The following PPP2R2B variants were observed in gnomAD, a reference collection of about 807,000 sequenced individuals.
The protein encoded by PPP2R2B is protein phosphatase 2 regulatory subunit Bbeta.
Under a neutral mutation model 46.0 loss-of-function variants are expected in PPP2R2B, and 5 were observed. That is an observed-to-expected ratio of 0.11 (90% CI 0.06 to 0.23). PPP2R2B has a LOEUF of 0.23. PPP2R2B is among the 10% of genes least tolerant of loss of function. The pLI is 1.00. For missense variants in PPP2R2B, 367 were observed against 575.0 expected, an observed-to-expected ratio of 0.64 and a Z score of 3.70; for synonymous variants, 215 against 206.7, an observed-to-expected ratio of 1.04 and a Z score of -0.34.
At chr5:146,609,060 A>G (rs1352454556) in intron 7 of PPP2R2B, among the ~76,000 whole-genome samples, 2 of 152,228 alleles carry the variant, frequency 1.3e-5, no homozygotes, top group Non-Finnish European at 2.9e-5. Context: ...ACAATACATT[A>G]AAAAGATCAT....
chr5:146,939,688 C>T (rs1320186360), intron 1 of PPP2R2B, among the ~76,000 whole-genome samples: 2 of 152,128 alleles, frequency 1.3e-5, no homozygotes, highest in Non-Finnish European at 2.9e-5. Flanking sequence ...AGTATTCCTG[C>T]TTGAATAGGA....
chr5:147,011,440 A>C (rs1418713167), intron 1 of PPP2R2B, among the ~76,000 whole-genome samples: 1 of 152,168 alleles, frequency 6.6e-6, no homozygotes, highest in African/African-American at 2.4e-5. Context: ...AACTAACTAT[A>C]TAACTTGCTG....
upstream of PPP2R2B, among the ~76,000 whole-genome samples, chr5:146,879,807 T>C (rs1762104798): frequency 6.6e-6 from 1 of 152,158 alleles, no homozygotes; most frequent in Non-Finnish European, 1.5e-5. Context: ...CCCCAATCAG[T>C]AGAAAGCCAA....
chr5:146,957,451 G>A (rs897868135), intron 1 of PPP2R2B, among the ~76,000 whole-genome samples: 9 of 152,178 alleles, frequency 5.9e-5, no homozygotes, highest in Non-Finnish European at 1.3e-4. Context: ...GGGCACAGTA[G>A]GAATTTTACT....
intron 5 of PPP2R2B, among the ~76,000 whole-genome samples, chr5:146,676,418 C>T (rs956557974): frequency 1.3e-5 from 2 of 152,156 alleles, no homozygotes; most frequent in African/African-American, 4.8e-5. Flanking sequence ...CAGCTTCAGC[C>T]ACCTGGGCCC....
In PPP2R2B at chr5:146,690,587, T is replaced by C. The variant is rs537041520; in HGVS notation, c.447+541A>G. Among the ~76,000 whole-genome samples, 5 of 152,328 alleles carry C rather than the reference T, an allele frequency of 3.3e-5. No homozygotes were observed. The South Asian group carries it at 8.3e-4, about 25-fold the overall frequency. On this transcript the variant is annotated intron_variant, in intron 5 of 9. Coordinates refer to ENST00000394411, the MANE Select transcript of PPP2R2B (RefSeq NM_181675.4). Reference sequence around the variant, plus strand: ...CCAGCCATAGAGGAAGGGTTTTCCATCCTTGCACTTCTTCCTCATAAGTCC... The same window carrying C: ...CCAGCCATAGAGGAAGGGTTTTCCACCCTTGCACTTCTTCCTCATAAGTCC...
chr5:147,068,478 T>C (rs982864161), intron 2 of PPP2R2B, among the ~76,000 whole-genome samples: 17 of 152,276 alleles, frequency 1.1e-4, no homozygotes, highest in African/African-American at 3.8e-4. Flanking sequence ...TGAAAAAAAA[T>C]GTAAGTTTTT....
At chr5:146,995,850 T>C (rs1236938142) in intron 1 of PPP2R2B, among the ~76,000 whole-genome samples, 3 of 152,120 alleles carry the variant, frequency 2.0e-5, no homozygotes, top group African/African-American at 7.2e-5. Context: ...TTCTTAGAGG[T>C]AGCAGGAATA....
rs564415440 is a variant in PPP2R2B, at chr5:146,930,633, G to A, written c.79+125032C>T. Among the ~76,000 whole-genome samples, 180 of 152,134 alleles carry A rather than the reference G, an allele frequency of 1.2e-3. 1 individual carries two copies. The highest frequency in any genetic ancestry group is 2.2e-3 in the Non-Finnish European group (149 of 68,006). ...CTCCACCATTCACAAAAAGGGCAGTGGGGTTAGGTGGACATGAAGTGTCAA... is the reference window on the plus strand; with the variant it reads ...CTCCACCATTCACAAAAAGGGCAGTAGGGTTAGGTGGACATGAAGTGTCAA... On this transcript the variant is annotated intron_variant, in intron 1 of 8. Transcript: ENST00000336640.
chr5:147,074,588 A>G (rs1375014705), intron 2 of PPP2R2B, among the ~76,000 whole-genome samples: 1 of 152,088 alleles, frequency 6.6e-6, no homozygotes, highest in Non-Finnish European at 1.5e-5. Context: ...GTTGGTTTTT[A>G]TTTATTTATT....
At chr5:146,786,934 A>G (rs895237881) in intron 2 of PPP2R2B, among the ~76,000 whole-genome samples, 5 of 152,240 alleles carry the variant, frequency 3.3e-5, no homozygotes, top group Admixed American at 6.5e-5. Context: ...TGCTTATAAT[A>G]ATTCCAGTCA....
intron 5 of PPP2R2B, among the ~76,000 whole-genome samples, chr5:146,667,872 G>A (rs539289171): frequency 6.6e-6 from 1 of 152,174 alleles, no homozygotes; most frequent in East Asian, 1.9e-4. Flanking sequence ...AACACTTTCA[G>A]CCCAATTGCT....
chr5:146,979,926 G>A (rs76803542), intron 1 of PPP2R2B, among the ~76,000 whole-genome samples: 3,408 of 152,136 alleles, frequency 0.022, 143 homozygotes, highest in African/African-American at 0.077. Flanking sequence ...CAAAACCATG[G>A]CAGATAAAAG....
chr5:146,769,661 G>A (rs958114040), intron 2 of PPP2R2B, among the ~76,000 whole-genome samples: 9 of 152,240 alleles, frequency 5.9e-5, no homozygotes, highest in South Asian at 2.1e-4. Flanking sequence ...TTCAATTGCC[G>A]TGAACCACCT....
intron 2 of PPP2R2B, among the ~76,000 whole-genome samples, chr5:146,772,022 G>A (rs183663457): frequency 3.9e-5 from 6 of 152,204 alleles, no homozygotes; most frequent in East Asian, 1.9e-4. Flanking sequence ...ATGGGTGTTC[G>A]TTGCAGCATT....
chr5:146,835,995 T>C (rs1270904422), intron 2 of PPP2R2B, among the ~76,000 whole-genome samples: 6 of 152,182 alleles, frequency 3.9e-5, no homozygotes, highest in Non-Finnish European at 5.9e-5. Flanking sequence ...TGTAAGAAGG[T>C]GATGATAACA....
chr5:146,691,367 T>A, intron 4 of PPP2R2B, 127 bp from the exon 5 acceptor site: 1 of 694,788 alleles, frequency 1.4e-6, no homozygotes, highest in East Asian at 2.7e-5. Flanking sequence ...CTGGCTCACA[T>A]AAACGTTTGG....
intron 1 of PPP2R2B, among the ~76,000 whole-genome samples, chr5:147,054,422 G>T (rs1756975303): frequency 6.6e-6 from 1 of 152,044 alleles, no homozygotes; most frequent in South Asian, 2.1e-4. Context: ...AGGAAGAAAA[G>T]ATTTCTCAGT....
intron 2 of PPP2R2B, among the ~76,000 whole-genome samples, chr5:147,073,895 G>A (rs1336798233): frequency 2.6e-5 from 4 of 152,076 alleles, no homozygotes; most frequent in African/African-American, 7.2e-5. Flanking sequence ...AAGTAGCCAG[G>A]GGTGGTGGCA....
Sources: allele counts gnomAD v4.1 joint callset (sites outside exome capture counted in the v4.1 genomes callset), GRCh38; gene constraint gnomAD v4.1.1; transcripts MANE v1.5; gene names NCBI Gene and HGNC (gene_info 2026-07-23, HGNC 2026-07-21).